VPS13C: variants seen among roughly 807,000 people sequenced by gnomAD.
The protein encoded by VPS13C is vacuolar protein sorting 13 homolog C.
Under a neutral mutation model 456.8 loss-of-function variants are expected in VPS13C, and 358 were observed. The ratio of observed to expected loss-of-function variants is 0.78; its 90% CI spans 0.72 to 0.86. The LOEUF (loss-of-function observed/expected upper bound fraction) is 0.86, where lower values mean the gene tolerates loss of function less well. Among genes scored for constraint, VPS13C ranks in the 40% least tolerant of loss-of-function variants. VPS13C has a pLI of 0.00. For missense variants in VPS13C, 4,818 were observed against 4,385.4 expected (o/e 1.10, Z -2.79); for synonymous variants, 1,578 against 1,486.7 (o/e 1.06, Z -1.41).
At chr15:62,017,893 C>T (rs1418408477) in intron 9 of VPS13C, among the ~76,000 whole-genome samples, 28 of 151,018 alleles carry the variant, frequency 1.9e-4, no homozygotes, top group Middle Eastern at 3.4e-3. Flanking sequence ...GCCATTTTCA[C>T]GATATTGATT....
intron 67 of VPS13C, among the ~76,000 whole-genome samples, chr15:61,885,068 T>A (rs770049422): frequency 1.3e-5 from 2 of 152,100 alleles, no homozygotes; most frequent in African/African-American, 2.4e-5. Flanking sequence ...TTGCTGGAAC[T>A]GGAGTTGCAG....
Position 61,983,892 on chromosome 15 carries a change from G to A in VPS13C, c.1842C>T (p.Thr614=), listed in dbSNP as rs115708341. 6.2e-7 allele frequency: 1 copy of A among 1,614,116 alleles called. No homozygotes were observed. Among genetic ancestry groups the A allele is most frequent in the Non-Finnish European group, 8.5e-7 (1 of 1,180,004 alleles). Residue 614 remains threonine, a synonymous_variant, in exon 20 of 85, where the codon ACC becomes ACT. Transcript: ENST00000644861. ...GGTCAGCAGGACTATCCTCCGGATT[G>A]GTTTCAAATTTAATTTTAAGCAAGG... is the stretch of plus-strand genomic sequence containing the variant. ...TSSLLKIKFE[T]NPEDSPADQT...
chr15:62,000,762 T>A, intron 15 of VPS13C, 136 bp from the exon 16 acceptor site: 1 of 624,922 alleles, frequency 1.6e-6, no homozygotes, highest in East Asian at 3.4e-5. Context: ...TAAATTTGAA[T>A]GTATTCTAGA....
At chr15:61,968,292 TAA>T (rs1315580190) in intron 28 of VPS13C, among the ~76,000 whole-genome samples, 1 of 151,482 alleles carries the variant, frequency 6.6e-6, no homozygotes, top group Non-Finnish European at 1.5e-5. Context: ...TTAAAAACAA[TAA>T]AAAATTAAAA....
chr15:61,964,895 A>G (rs1417500189), intron 30 of VPS13C, 34 bp from the exon 31 acceptor site: 3 of 1,582,548 alleles, frequency 1.9e-6, no homozygotes, highest in South Asian at 1.2e-5. Context: ...TTAGTTTTCC[A>G]CAGCCAATTA....
Position 62,012,139 on chromosome 15 carries a change from G to T in VPS13C, c.851C>A (p.Thr284Lys), listed in dbSNP as rs1370402562. ...ATAATTTGGGGGTATATTTCCACTT[G>T]TAAGAATTTCATTTTTCAGCTGATC... ...ILDQLKNEIL[T>K]SGNIPPNYQY... Residue 284 changes from threonine to lysine, a missense_variant, in exon 12 of 85, where the codon ACA (threonine) becomes AAA (lysine). Thr to Lys is a moderately conservative substitution (Grantham distance 78). This residue lies in a region of VPS13C where 4,552 missense variants were observed against 4,130.6 expected (regional missense o/e 1.10). Coordinates refer to ENST00000644861, the MANE Select transcript of VPS13C (RefSeq NM_020821.3). 1 of 1,542,344 alleles carries T rather than the reference G, an allele frequency of 6.5e-7. No homozygotes were observed. The highest frequency in any genetic ancestry group is 8.9e-7 in the Non-Finnish European group (1 of 1,120,930).
rs919145618 is a variant in VPS13C at position 61,929,675 on chromosome 15, C to A, written c.6112G>T (p.Gly2038Ter). ...TCAAGAACAGCATCAATTTGACTTCCATTTTTGTCTTGTTTGTAACTTATA... is the reference window on the plus strand; with the variant it reads ...TCAAGAACAGCATCAATTTGACTTCAATTTTTGTCTTGTTTGTAACTTATA... ...IDISYKQDKN[G>*]SQIDAVLDKL... The change falls in exon 51 of 85, where the codon GGA becomes TGA. Residue 2038 changes from glycine (G) to a stop codon, truncating the protein, a stop_gained. Transcript: ENST00000644861. LOFTEE classifies it high-confidence loss of function. 9 of 1,613,882 alleles carry A rather than the reference C, an allele frequency of 5.6e-6. No homozygotes were observed. Among genetic ancestry groups the A allele is most frequent in the Non-Finnish European group, 8.5e-7 (1 of 1,179,980 alleles).
At position 62,044,739 on chromosome 15, in the gene VPS13C, T is replaced by C. The variant is rs114359845; in HGVS notation, c.101-484A>G. 6.3e-3 allele frequency among the ~76,000 whole-genome samples: 965 copies of C among 152,298 alleles called. 7 individuals are homozygous for C. The highest frequency in any genetic ancestry group is 0.022 in the African/African-American group (911 of 41,586). Reference sequence around the variant, plus strand: ...CCTTCCCAATGATTACTGTATGTGCTTCTAATATTCTTTAATCAGTCCAAC... The same window carrying C: ...CCTTCCCAATGATTACTGTATGTGCCTCTAATATTCTTTAATCAGTCCAAC... On this transcript the variant is annotated intron_variant, in intron 1 of 84. Coordinates refer to ENST00000644861, the MANE Select transcript of VPS13C (RefSeq NM_020821.3).
At chr15:62,013,168 T>C in intron 10 of VPS13C, 49 bp from the exon 11 acceptor site, 3 of 1,364,970 alleles carry the variant, frequency 2.2e-6, no homozygotes, top group East Asian at 2.4e-5. Context: ...ACTGAAATTA[T>C]GAATCAATAT....
At chr15:62,000,131 G>A (rs138550790) in intron 16 of VPS13C, among the ~76,000 whole-genome samples, 211 of 152,246 alleles carry the variant, frequency 1.4e-3, no homozygotes, top group African/African-American at 4.8e-3. Flanking sequence ...AGAGGCCGAG[G>A]TGAGTGGATC....
chr15:61,933,687 T>G (rs2044134606), intron 49 of VPS13C, among the ~76,000 whole-genome samples: 1 of 152,210 alleles, frequency 6.6e-6, no homozygotes, highest in Admixed American at 6.5e-5. Flanking sequence ...TGACATATTA[T>G]TTAGTTCAAA....
At chr15:61,963,652 T>C (rs112739641) in intron 32 of VPS13C, among the ~76,000 whole-genome samples, 183 bp downstream of exon 32, 9 of 152,154 alleles carry the variant, frequency 5.9e-5, no homozygotes, top group South Asian at 2.1e-4. Context: ...TAGAGGTCAA[T>C]TGGGATGGTC....
intron 15 of VPS13C, among the ~76,000 whole-genome samples, chr15:62,006,190 G>C (rs1232730525): frequency 2.0e-5 from 3 of 151,606 alleles, no homozygotes; most frequent in African/African-American, 7.3e-5. Context: ...TGCCATGTTG[G>C]TGTGCTGCAC....
At chr15:61,883,794 C>G (rs1896057290) in intron 68 of VPS13C, among the ~76,000 whole-genome samples, 1 of 151,988 alleles carries the variant, frequency 6.6e-6, no homozygotes, top group Non-Finnish European at 1.5e-5. Context: ...TTCAATGAGG[C>G]ATTCTTAACT....
At chr15:61,962,214 A>G (rs541374562) in intron 34 of VPS13C, among the ~76,000 whole-genome samples, 157 bp downstream of exon 34, 3 of 152,282 alleles carry the variant, frequency 2.0e-5, no homozygotes, top group South Asian at 2.1e-4. Flanking sequence ...TCACTTTTCA[A>G]CTGTTAAATA....
chr15:62,047,427 C>T (rs997082523), intron 1 of VPS13C, among the ~76,000 whole-genome samples: 2 of 149,320 alleles, frequency 1.3e-5, no homozygotes, highest in African/African-American at 5.1e-5. Flanking sequence ...GACAGCAAGA[C>T]TCCATCTCAA....
intron 24 of VPS13C, among the ~76,000 whole-genome samples, chr15:61,976,216 G>A (rs972993764): frequency 1.3e-5 from 2 of 151,962 alleles, no homozygotes; most frequent in Non-Finnish European, 2.9e-5. Flanking sequence ...AATCGGTAAT[G>A]AAAAGTTGGT....
intron 81 of VPS13C, chr15:61,865,484 A>G: frequency 2.0e-6 from 2 of 983,854 alleles, no homozygotes; most frequent in Non-Finnish European, 2.4e-6. Context: ...GATCATAAGT[A>G]TGTGAACCAA....
intron 47 of VPS13C, 109 bp from the exon 48 acceptor site, chr15:61,936,859 A>G (rs1165387530): frequency 1.7e-6 from 2 of 1,158,360 alleles, no homozygotes; most frequent in African/African-American, 3.1e-5. Context: ...CTACTTAAAA[A>G]GAAGAGAGTT....
Sources: gnomAD v4.1 joint callset for allele counts (sites outside exome capture counted in the v4.1 genomes callset) on GRCh38, gnomAD v4.1.1 for gene constraint, gnomAD v4.1.1 regional missense constraint, MANE v1.5 for transcripts, NCBI Gene and HGNC (gene_info 2026-07-23, HGNC 2026-07-21) for gene names.